UHRF2: variants seen among roughly 807,000 people sequenced by gnomAD.
The protein encoded by UHRF2 is E3 ubiquitin-protein ligase UHRF2.
UHRF2 carries 23 observed loss-of-function variants against 96.8 expected under a neutral mutation model. The observed-to-expected ratio is 0.24, with a 90% confidence interval of 0.17 to 0.34. The LOEUF (loss-of-function observed/expected upper bound fraction) is 0.34. UHRF2 is among the 10% of genes least tolerant of loss of function. The probability of loss-of-function intolerance (pLI) is 1.00; values close to 1 mark genes in which losing one functional copy is unlikely to be tolerated. For missense variants in UHRF2, 685 were observed against 981.5 expected, an observed-to-expected ratio of 0.70 and a Z score of 4.04; for synonymous variants, 385 against 332.6, an observed-to-expected ratio of 1.16 and a Z score of -1.72.
At chr9:6,483,043 C>G (rs775391239) in intron 8 of UHRF2, among the ~76,000 whole-genome samples, 2 of 152,078 alleles carry the variant, frequency 1.3e-5, no homozygotes, top group Non-Finnish European at 1.5e-5. Context: ...CACACAAGCT[C>G]AGGCTGGTGT....
At chr9:6,493,776 A>G in intron 9 of UHRF2, 50 bp from the exon 10 acceptor site, 1 of 1,474,288 alleles carries the variant, frequency 6.8e-7, no homozygotes, top group Non-Finnish European at 9.3e-7. Context: ...AGAATTGATG[A>G]AATTATACTT....
In UHRF2 at chr9:6,433,038, A is replaced by C. The variant is rs184610163; in HGVS notation, c.385-876A>C. The stretch of plus-strand genomic sequence containing the variant: ...GTATTTTTAGTAGAGACGGGGTTTC[A>C]CTATGTTGGCCAGGCTGGTCTTGAC... On this transcript the variant is annotated intron_variant, in intron 2 of 15. Coordinates refer to ENST00000276893, the MANE Select transcript of UHRF2 (RefSeq NM_152896.3). Among the ~76,000 whole-genome samples, 97 of 152,090 alleles carry C rather than the reference A, an allele frequency of 6.4e-4. 1 individual carries two copies. The highest frequency in any genetic ancestry group is 7.2e-4 in the Admixed American group (11 of 15,276).
intron 9 of UHRF2, chr9:6,492,768 A>G (rs888884417): frequency 2.0e-5 from 3 of 151,316 alleles, no homozygotes; most frequent in African/African-American, 7.3e-5. Flanking sequence ...GTACTGAATC[A>G]GATAGAGACA....
chr9:6,413,535 C>A lies in UHRF2; in HGVS notation c.45C>A (p.Thr15=). 4.4e-6 allele frequency: 7 copies of A among 1,594,796 alleles called. No homozygotes were observed. The highest frequency in any genetic ancestry group is 6.0e-6 in the Non-Finnish European group (7 of 1,171,674). The change falls in exon 1 of 16, where the codon ACC becomes ACA. Residue 15 remains threonine (T), a synonymous_variant. Coordinates refer to ENST00000276893, the MANE Select transcript of UHRF2 (RefSeq NM_152896.3). ...CCATTGATGGCTCCAAGACGTGCAC[C>A]ATTGAGGACGTGTCTCGCAAAGCCA... is the stretch of plus-strand genomic sequence containing the variant. The part of the protein sequence containing the change: ...VRTIDGSKTC[T]IEDVSRKATI...
rs1020453858 is a variant in UHRF2, at chr9:6,498,266, A to C, written c.1908+108A>C. 23 of 1,216,980 alleles carry C rather than the reference A, an allele frequency of 1.9e-5. No homozygotes were observed. The Admixed American group carries it at 2.5e-4, about 13-fold the overall frequency. The allele number at this position is 1,216,980 out of a possible 1,614,324, so 75.4% of individuals were successfully genotyped here. On this transcript the variant is annotated intron_variant, in intron 12 of 15. Coordinates refer to ENST00000276893, the MANE Select transcript of UHRF2 (RefSeq NM_152896.3). ...ACCCACAGCAATTGACTGGTGGACT[A>C]TAAGGGGTGAGGAATAAGATCATGC...
intron 2 of UHRF2, among the ~76,000 whole-genome samples, chr9:6,432,932 C>G (rs1021297452): frequency 6.6e-6 from 1 of 152,134 alleles, no homozygotes; most frequent in Non-Finnish European, 1.5e-5. Context: ...CCTCCACCTC[C>G]CGGGTTCAAG....
intron 6 of UHRF2, among the ~76,000 whole-genome samples, chr9:6,478,626 T>G (rs1823733241): frequency 6.6e-6 from 1 of 152,212 alleles, no homozygotes; most frequent in Non-Finnish European, 1.5e-5. Context: ...AAGGAGGTTT[T>G]TTCTTTTTAA....
chr9:6,421,115 T>C lies in UHRF2; in HGVS notation c.357T>C (p.Leu119=). 6.2e-7 allele frequency: 1 copy of C among 1,614,066 alleles called. No individual in the cohort carries two copies. Among genetic ancestry groups the C allele is most frequent in the Non-Finnish European group, 8.5e-7 (1 of 1,179,922 alleles). The change falls in exon 2 of 16, where the codon CTT becomes CTC. Residue 119 remains leucine, a synonymous_variant. Transcript: ENST00000276893. ...NQPSTSARAR[L]IDPGFGIYKV... ...CATCTACATCAGCTCGTGCCCGTCT[T>C]ATTGATCCTGGCTTTGGAATATATA...
intron 4 of UHRF2, among the ~76,000 whole-genome samples, chr9:6,461,512 A>G (rs1216530028): frequency 6.6e-6 from 1 of 151,228 alleles, no homozygotes; most frequent in Non-Finnish European, 1.5e-5. Flanking sequence ...AGCTGGGACT[A>G]CAGGCGTATG....
chr9:6,456,282 A>C (rs1822169761), intron 3 of UHRF2, among the ~76,000 whole-genome samples: 1 of 152,054 alleles, frequency 6.6e-6, no homozygotes, highest in South Asian at 2.1e-4. Context: ...TTCTCTAATG[A>C]CCAGTGATGA....
intron 3 of UHRF2, among the ~76,000 whole-genome samples, chr9:6,459,408 C>A (rs1319870918): frequency 6.6e-6 from 1 of 152,186 alleles, no homozygotes; most frequent in African/African-American, 2.4e-5. Flanking sequence ...GTGGCTCATG[C>A]CTGTAATCCC....
intron 4 of UHRF2, among the ~76,000 whole-genome samples, chr9:6,463,158 G>A (rs1822651258): frequency 6.6e-6 from 1 of 152,058 alleles, no homozygotes; most frequent in Non-Finnish European, 1.5e-5. Flanking sequence ...TTGCATGCCT[G>A]TAATCCCAGC....
chr9:6,482,518 TG>T (rs1051550988), intron 8 of UHRF2, among the ~76,000 whole-genome samples: 46 of 152,218 alleles, frequency 3.0e-4, no homozygotes, highest in African/African-American at 9.1e-4. Context: ...GCAGAGGAAG[TG>T]CCAGCTAATC....
At chr9:6,429,953 C>T (rs971111998) in intron 2 of UHRF2, among the ~76,000 whole-genome samples, 2 of 152,166 alleles carry the variant, frequency 1.3e-5, no homozygotes, top group African/African-American at 4.8e-5. Context: ...TGCCCCTTGC[C>T]TCCCATACTT....
chr9:6,425,669 A>G (rs1314775962), intron 2 of UHRF2, among the ~76,000 whole-genome samples: 2 of 152,176 alleles, frequency 1.3e-5, no homozygotes, highest in Non-Finnish European at 2.9e-5. Flanking sequence ...AGGCTGAGGC[A>G]GGAGTATCAC....
At chr9:6,467,782 T>C (rs1167869388) in intron 4 of UHRF2, among the ~76,000 whole-genome samples, 1 of 152,126 alleles carries the variant, frequency 6.6e-6, no homozygotes, top group African/African-American at 2.4e-5. Flanking sequence ...ACCACATAGG[T>C]AGCATGAATT....
At chr9:6,462,813 T>C (rs530722) in intron 4 of UHRF2, among the ~76,000 whole-genome samples, 104,563 of 151,996 alleles carry the variant, frequency 0.69, 37,812 homozygotes, top group South Asian at 0.81. Flanking sequence ...GCTACATGGG[T>C]GGCTGAGGCA....
chr9:6,461,384 TCTC>T (rs1822530243), intron 4 of UHRF2, among the ~76,000 whole-genome samples: 1 of 96,414 alleles, frequency 1.0e-5, no homozygotes, highest in Non-Finnish European at 1.9e-5. Flanking sequence ...CTCCTCCTTC[TCTC>T]CTCCCCCCCG....
intron 3 of UHRF2, among the ~76,000 whole-genome samples, chr9:6,440,204 G>T (rs1049581581): frequency 1.3e-5 from 2 of 152,132 alleles, no homozygotes; most frequent in Non-Finnish European, 2.9e-5. Flanking sequence ...GGTCTTGAAG[G>T]GCAGTCATTT....
Sources: gnomAD v4.1 joint callset for allele counts (sites outside exome capture counted in the v4.1 genomes callset) on GRCh38, gnomAD v4.1.1 for gene constraint, MANE v1.5 for transcripts, NCBI Gene and HGNC (gene_info 2026-07-23, HGNC 2026-07-21) for gene names.